EMCN: variants seen among roughly 807,000 people sequenced by gnomAD.
EMCN encodes MUC-14.
A neutral mutation model predicts 38.4 loss-of-function variants in EMCN; 37 were observed. That is an observed-to-expected ratio of 0.96 (90% CI 0.74 to 1.27). The LOEUF (loss-of-function observed/expected upper bound fraction) is 1.27, where lower values mean the gene tolerates loss of function less well. EMCN is among the 50% of genes most tolerant of loss of function. EMCN has a pLI of 0.00. For synonymous variants in EMCN, 95 were observed against 100.8 expected (o/e 0.94, Z 0.35); for missense variants, 318 against 302.8 (o/e 1.05, Z -0.37).
chr4:100,465,963 G>A (rs1728304892), intron 3 of EMCN, among the ~76,000 whole-genome samples: 1 of 152,132 alleles, frequency 6.6e-6, no homozygotes, highest in Non-Finnish European at 1.5e-5. Flanking sequence ...GGATGTGGTA[G>A]TAATTAAGTA....
At chr4:100,429,210 G>A (rs1727133026) in intron 5 of EMCN, among the ~76,000 whole-genome samples, 1 of 152,100 alleles carries the variant, frequency 6.6e-6, no homozygotes. Flanking sequence ...AGAACATGAG[G>A]TCTACTCTGG....
chr4:100,425,373 T>C (rs554428801), intron 5 of EMCN, among the ~76,000 whole-genome samples: 1 of 150,110 alleles, frequency 6.7e-6, no homozygotes, highest in African/African-American at 2.5e-5. Flanking sequence ...ACACAGTTTT[T>C]GTTGAGACTG....
chr4:100,461,230 T>C (rs1204792193), intron 4 of EMCN, among the ~76,000 whole-genome samples: 2 of 152,210 alleles, frequency 1.3e-5, no homozygotes, highest in East Asian at 3.9e-4. Context: ...TTCTTGACTT[T>C]ATTTAGTTCT....
At chr4:100,445,731 G>A (rs1469878068) in intron 5 of EMCN, among the ~76,000 whole-genome samples, 1 of 152,034 alleles carries the variant, frequency 6.6e-6, no homozygotes, top group African/African-American at 2.4e-5. Flanking sequence ...AAAACCAGAA[G>A]TATAAAGAAT....
chr4:100,506,901 C>G lies in EMCN; in HGVS notation c.64+10950G>C, dbSNP rs532871133. On this transcript the variant is annotated intron_variant, in intron 1 of 11. Transcript: ENST00000296420. ...TGTGACTACCCTTCTAGCCTAGATT[C>G]ATAATATCATAGCTTCTGCATTTTT... is the stretch of plus-strand genomic sequence containing the variant. Among the ~76,000 whole-genome samples the G allele has an allele frequency of 3.3e-5, 5 of 152,278 alleles. No individual in the cohort carries two copies. In the East Asian group the frequency reaches 7.7e-4, roughly 24 times the overall value.
At chr4:100,483,845 T>G (rs1468073578) in intron 1 of EMCN, among the ~76,000 whole-genome samples, 1 of 152,166 alleles carries the variant, frequency 6.6e-6, no homozygotes, top group Non-Finnish European at 1.5e-5. Context: ...GAGGAATAGC[T>G]TATTCTAAAG....
chr4:100,500,735 T>C (rs1212777031), intron 1 of EMCN, among the ~76,000 whole-genome samples: 1 of 152,158 alleles, frequency 6.6e-6, no homozygotes, highest in African/African-American at 2.4e-5. Context: ...GTCACTGGTA[T>C]ATACAATACA....
chr4:100,423,431 C>T, intron 5 of EMCN, 27 bp from the exon 6 acceptor site: 1 of 1,514,514 alleles, frequency 6.6e-7, no homozygotes, highest in Non-Finnish European at 9.2e-7. Context: ...AATGCAGAAT[C>T]AGGCTATGGT....
intron 5 of EMCN, among the ~76,000 whole-genome samples, chr4:100,436,417 T>C (rs1189396715): frequency 2.6e-5 from 4 of 151,844 alleles, no homozygotes; most frequent in Non-Finnish European, 5.9e-5. Context: ...TTGGTAGGAG[T>C]GTAAATTAGT....
chr4:100,422,736 G>A (rs774506384), intron 7 of EMCN, among the ~76,000 whole-genome samples: 7 of 151,366 alleles, frequency 4.6e-5, no homozygotes, highest in South Asian at 2.1e-4. Context: ...GCCCTTGATC[G>A]TAATTGTTAA....
intron 8 of EMCN, among the ~76,000 whole-genome samples, 154 bp downstream of exon 8, chr4:100,421,128 G>C (rs1313811257): frequency 6.6e-6 from 1 of 151,976 alleles, no homozygotes; most frequent in Non-Finnish European, 1.5e-5. Flanking sequence ...CATTCAGTGG[G>C]TGTCTGTGCC....
intron 5 of EMCN, among the ~76,000 whole-genome samples, chr4:100,439,039 T>G (rs1297741848): frequency 2.0e-5 from 3 of 152,096 alleles, no homozygotes; most frequent in Non-Finnish European, 4.4e-5. Flanking sequence ...TTTTTGCATC[T>G]GCATTCGTCA....
intron 5 of EMCN, among the ~76,000 whole-genome samples, chr4:100,428,838 T>C (rs1264805672): frequency 6.6e-6 from 1 of 152,110 alleles, no homozygotes; most frequent in Non-Finnish European, 1.5e-5. Context: ...GTATGAGAGG[T>C]AGCTGTTGCG....
intron 1 of EMCN, among the ~76,000 whole-genome samples, chr4:100,497,066 G>A (rs182909789): frequency 1.2e-3 from 178 of 151,356 alleles, no homozygotes; most frequent in African/African-American, 4.1e-3. Flanking sequence ...CCAAATTTCA[G>A]TATTGCTTTA....
chr4:100,485,495 A>G (rs914065018), intron 1 of EMCN, among the ~76,000 whole-genome samples: 6 of 152,020 alleles, frequency 3.9e-5, no homozygotes, highest in Non-Finnish European at 8.8e-5. Flanking sequence ...AATTGCTAAC[A>G]TTATAATTCT....
intron 1 of EMCN, among the ~76,000 whole-genome samples, chr4:100,485,923 GT>G (rs1199944893): frequency 1.3e-5 from 2 of 152,074 alleles, no homozygotes; most frequent in Non-Finnish European, 2.9e-5. Context: ...AAATGTATAA[GT>G]AACTCATTAG....
At chr4:100,398,749 T>C (rs1189996316) in intron 11 of EMCN, among the ~76,000 whole-genome samples, 1 of 152,064 alleles carries the variant, frequency 6.6e-6, no homozygotes, top group Non-Finnish European at 1.5e-5. Flanking sequence ...CTCCAGACAT[T>C]TTTCTCTATT....
At position 100,511,103 on chromosome 4, in the gene EMCN, C is replaced by T. The variant is rs113958734; in HGVS notation, c.64+6748G>A. Among the ~76,000 whole-genome samples, 483 of 152,258 alleles carry T rather than the reference C, an allele frequency of 3.2e-3. 2 individuals carry two copies. Among genetic ancestry groups the T allele is most frequent in the African/African-American group, 0.011 (461 of 41,540 alleles). On this transcript the variant is annotated intron_variant, in intron 1 of 11. Coordinates refer to ENST00000296420, the MANE Select transcript of EMCN (RefSeq NM_016242.4). ...AGTAGTGACTTCTAAATTACTCGAGCGGTAAGTCTTTATCCTTATTCTTTT... is the reference window on the plus strand; with the variant it reads ...AGTAGTGACTTCTAAATTACTCGAGTGGTAAGTCTTTATCCTTATTCTTTT...
intron 5 of EMCN, among the ~76,000 whole-genome samples, chr4:100,439,252 T>C (rs1292837775): frequency 6.6e-6 from 1 of 152,066 alleles, no homozygotes; most frequent in Non-Finnish European, 1.5e-5. Flanking sequence ...TGGGCTTTTC[T>C]TTGTTGGGAA....
Sources: allele counts gnomAD v4.1 joint callset (sites outside exome capture counted in the v4.1 genomes callset), GRCh38; gene constraint gnomAD v4.1.1; transcripts MANE v1.5; gene names NCBI Gene and HGNC (gene_info 2026-07-23, HGNC 2026-07-21).